Variants in BRWD3 observed in about 807,000 individuals in gnomAD.
BRWD3 encodes the protein bromodomain and WD repeat domain containing 3.
BRWD3 carries 10 observed loss-of-function variants against 149.7 expected under a neutral mutation model. The ratio of observed to expected loss-of-function variants is 0.07; its 90% CI spans 0.04 to 0.11. The LOEUF is 0.11. BRWD3 is among the 10% of genes least tolerant of loss of function. The pLI is 1.00. For missense variants in BRWD3, 940 were observed against 1,373.2 expected (o/e 0.68, Z 4.99); for synonymous variants, 504 against 456.7 (o/e 1.10, Z -1.32).
At chrX:80,752,263 G>A (rs964189534) in intron 6 of BRWD3, among the ~76,000 whole-genome samples, 7 of 110,476 alleles carry the variant, frequency 6.3e-5, no homozygotes, top group Non-Finnish European at 1.1e-4. Context: ...ATCCTTTCAC[G>A]TTGGCCTTCC....
In BRWD3 at chrX:80,677,136, T is replaced by A. The variant is rs1362606039; in HGVS notation, c.4882A>T (p.Thr1628Ser). ...TCGSDSDSESTSRTDQDYVDG... is the reference protein window; with the variant it reads ...TCGSDSDSESSSRTDQDYVDG... ...ACGTAATCTTGATCTGTTCTGGAAG[T>A]TGATTCAGAGTCAGAGTCAGAACCA... Residue 1628 changes from threonine to serine, a missense_variant, in exon 41 of 41, where the codon ACT becomes TCT. Thr to Ser is a moderately conservative substitution (Grantham distance 58, BLOSUM62 1). Transcript: ENST00000373275. 8.3e-7 allele frequency: 1 copy of A among 1,211,836 alleles called. No homozygotes were observed. Among genetic ancestry groups the A allele is most frequent in the African/African-American group, 1.7e-5 (1 of 57,906 alleles).
At chrX:80,726,199 CATGTT>C (rs1293902770) in intron 14 of BRWD3, among the ~76,000 whole-genome samples, 21 of 103,844 alleles carry the variant, frequency 2.0e-4, no homozygotes, top group African/African-American at 6.6e-4. Flanking sequence ...AACACGTTTA[CATGTT>C]ATATGTCTGT....
At chrX:80,793,048 G>A (rs1382698239) in intron 5 of BRWD3, among the ~76,000 whole-genome samples, 2 of 104,545 alleles carry the variant, frequency 1.9e-5, no homozygotes, top group African/African-American at 3.5e-5. Flanking sequence ...TGTAGTCCCA[G>A]CTACTCAGGA....
chrX:80,700,163 A>C (rs902839366), intron 24 of BRWD3, 99 bp from the exon 25 acceptor site: 2 of 607,994 alleles, frequency 3.3e-6, no homozygotes, highest in African/African-American at 2.3e-5. Flanking sequence ...TTGCAGAAAG[A>C]AATAATTATA....
intron 6 of BRWD3, among the ~76,000 whole-genome samples, chrX:80,759,660 A>T (rs959727642): frequency 8.9e-6 from 1 of 111,925 alleles, no homozygotes; most frequent in Non-Finnish European, 1.9e-5. Context: ...TTAGAACTTT[A>T]ATGGTCCTTT....
chrX:80,758,262 A>G (rs1271936338), intron 6 of BRWD3, among the ~76,000 whole-genome samples: 1 of 112,100 alleles, frequency 8.9e-6, no homozygotes, highest in Non-Finnish European at 1.9e-5. Context: ...TGGAATTTAC[A>G]TTCTACTCTG....
chrX:80,728,566 G>T lies in BRWD3; in HGVS notation c.1386+186C>A, dbSNP rs1410643589. Among the ~76,000 whole-genome samples the T allele has an allele frequency of 6.3e-5, 7 of 111,338 alleles. No homozygotes were observed. In the Admixed American group the frequency reaches 6.7e-4, roughly 11 times the overall value. ...AAGATCTTGAAAAGATTTCATACTT[G>T]CTTTTAGCAGGTATAGCGCGTGTCA... On this transcript the variant is annotated intron_variant, in intron 14 of 40. Coordinates refer to ENST00000373275, the MANE Select transcript of BRWD3 (RefSeq NM_153252.5).
intron 20 of BRWD3, among the ~76,000 whole-genome samples, chrX:80,713,267 A>G (rs1262914539): frequency 9.0e-6 from 1 of 111,726 alleles, no homozygotes; most frequent in Non-Finnish European, 1.9e-5. Flanking sequence ...AGGTGGGGAA[A>G]AGATTGAGAA....
At chrX:80,709,664 G>A (rs1476591463) in intron 20 of BRWD3, 87 bp from the exon 21 acceptor site, 2 of 758,916 alleles carry the variant, frequency 2.6e-6, no homozygotes, top group Non-Finnish European at 3.8e-6. Context: ...TAGGTGGGGG[G>A]TAGGGGTGAG....
Position 80,717,722 on chromosome X carries a change from T to C in BRWD3, c.2082A>G (p.Pro694=), listed in dbSNP as rs984631433. The C allele has an allele frequency of 3.3e-6, 4 of 1,209,723 alleles. No homozygotes were observed. The highest frequency in any genetic ancestry group is 4.5e-6 in the Non-Finnish European group (4 of 894,995). The change falls in exon 19 of 41, where the codon CCA becomes CCG. Residue 694 remains proline (P), a synonymous_variant. Coordinates refer to ENST00000373275, the MANE Select transcript of BRWD3 (RefSeq NM_153252.5). ...TACTATGTCTTCGAAGCCTGATGTTTGGGGAAGAAGATATGTCCATGTTTG... is the reference window on the plus strand; with the variant it reads ...TACTATGTCTTCGAAGCCTGATGTTCGGGGAAGAAGATATGTCCATGTTTG... The part of the protein sequence containing the change: ...RSPNMDISSS[P]NIRLRRHSSQ...
At position 80,735,215 on chromosome X, in the gene BRWD3, G is replaced by A; in HGVS notation, c.915-18C>T. ...GGCGATCTCTAAAGATAAAAATAAG[G>A]TGTTTTTGTGTTTCATCATGTTTGG... On this transcript the variant is annotated intron_variant, in intron 9 of 40. Coordinates refer to ENST00000373275, the MANE Select transcript of BRWD3 (RefSeq NM_153252.5). 3 of 1,168,061 alleles carry A rather than the reference G, an allele frequency of 2.6e-6. No homozygotes were observed. The highest frequency in any genetic ancestry group is 3.5e-6 in the Non-Finnish European group (3 of 856,507).
intron 20 of BRWD3, chrX:80,710,676 G>A: frequency 1.2e-6 from 1 of 816,290 alleles, no homozygotes; most frequent in Non-Finnish European, 1.8e-6. Flanking sequence ...TGATTAACCA[G>A]CAGAAAAGGC....
chrX:80,765,041 A>G (rs959799670), intron 6 of BRWD3, among the ~76,000 whole-genome samples: 2 of 111,682 alleles, frequency 1.8e-5, no homozygotes, highest in Non-Finnish European at 3.8e-5. Context: ...GTAAAAACAG[A>G]GTGACATCAC....
chrX:80,746,681 C>G (rs1416891436), intron 6 of BRWD3: 1 of 148,364 alleles, frequency 6.7e-6, no homozygotes, highest in Non-Finnish European at 1.1e-5. Flanking sequence ...TTTTACCATA[C>G]TGCATAAATA....
At chrX:80,803,476 C>T (rs2074322722) in intron 4 of BRWD3, among the ~76,000 whole-genome samples, 1 of 111,231 alleles carries the variant, frequency 9.0e-6, no homozygotes, top group African/African-American at 3.3e-5. Context: ...TCCTTAGAGC[C>T]CATCTGTGGA....
At chrX:80,685,316 A>T (rs1318485037) in intron 36 of BRWD3, 146 bp downstream of exon 36, 2 of 509,419 alleles carry the variant, frequency 3.9e-6, no homozygotes, top group Non-Finnish European at 6.6e-6. Context: ...AGGAACAAAA[A>T]AATAAATGAC....
At position 80,674,126 on chromosome X, in the gene BRWD3, C is replaced by T. The variant is rs1461871013; in HGVS notation, c.*2483G>A. ...ATAAATGATAACTATGTTTATCTAA[C>T]ATACCCTGATGACTAACTCTTTAAA... On this transcript the variant is annotated 3_prime_UTR_variant, in exon 41 of 41. Coordinates refer to ENST00000373275, the MANE Select transcript of BRWD3 (RefSeq NM_153252.5). 8.9e-6 allele frequency: 1 copy of T among 111,761 alleles called. No homozygotes were observed. Among genetic ancestry groups the T allele is most frequent in the Admixed American group, 9.5e-5 (1 of 10,553 alleles). The allele number at this position is 111,761 out of a possible 1,213,427, so 9.2% of individuals were successfully genotyped here.
chrX:80,695,806 T>A, intron 27 of BRWD3, 102 bp downstream of exon 27: 1 of 692,587 alleles, frequency 1.4e-6, no homozygotes, highest in East Asian at 3.5e-5. Context: ...GGTAGCTTTT[T>A]TCAGCTAAAT....
chrX:80,710,677 C>G, intron 20 of BRWD3: 1 of 816,917 alleles, frequency 1.2e-6, no homozygotes, highest in Admixed American at 2.3e-5. Context: ...GATTAACCAG[C>G]AGAAAAGGCT....
Sources: allele counts gnomAD v4.1 joint callset (sites outside exome capture counted in the v4.1 genomes callset), GRCh38; gene constraint gnomAD v4.1.1; transcripts MANE v1.5; gene names NCBI Gene and HGNC (gene_info 2026-07-23, HGNC 2026-07-21).